MEOX1: variants seen among roughly 807,000 people sequenced by gnomAD.
The protein encoded by MEOX1 is mesenchyme homeobox 1.
A neutral mutation model predicts 23.2 loss-of-function variants in MEOX1; 17 were observed. The observed-to-expected ratio is 0.73, with a 90% CI of 0.50 to 1.10. MEOX1 has a LOEUF of 1.10. MEOX1 is among the 50% of genes least tolerant of loss of function. The pLI is 0.00. For synonymous variants in MEOX1, 134 were observed against 135.1 expected (o/e 0.99, Z 0.06); for missense variants, 333 against 332.2 (o/e 1.00, Z -0.02).
In MEOX1 at chr17:43,661,805, G is replaced by A. The variant is rs546632338; in HGVS notation, c.-271C>T. On this transcript the variant is annotated 5_prime_UTR_variant, in exon 1 of 3. Transcript: ENST00000318579. ...TCCAATGCACCAGCCTACCTACTGG[G>A]ATCCCCTGTATGTGTATTTGTCGCC... 1 of 379,060 alleles carries A rather than the reference G, an allele frequency of 2.6e-6. No homozygotes were observed. The highest frequency in any genetic ancestry group is 2.1e-5 in the African/African-American group (1 of 48,182). The allele number at this position is 379,060 out of a possible 1,614,324, so 23.5% of individuals were successfully genotyped here. A position where few individuals can be genotyped will look rare whatever the true frequency, so the allele number is the denominator to read the frequency against.
At chr17:43,642,072 G>A (rs373117303) in intron 2 of MEOX1, 40 bp from the exon 3 acceptor site, 22 of 1,584,970 alleles carry the variant, frequency 1.4e-5, no homozygotes, top group African/African-American at 9.5e-5. Flanking sequence ...CTCCAGGGCC[G>A]GTGTGACCTC....
intron 1 of MEOX1, among the ~76,000 whole-genome samples, chr17:43,651,191 T>C (rs1040318622): frequency 6.6e-6 from 1 of 151,932 alleles, no homozygotes; most frequent in Admixed American, 6.6e-5. Flanking sequence ...TGGTGGCGGG[T>C]GCCTGTAGTC....
At position 43,657,012 on chromosome 17, in the gene MEOX1, CTCTTTCTTTCTT is replaced by C. The variant is rs3034954; in HGVS notation, c.469+4042_469+4053del. ...TTTCTTTCTTTTTCTTTCTTTCTTT[CTCTTTCTTTCTT>C]TCTTTCTTTCTTTCTTTCTTTCTTT... On this transcript the variant is annotated intron_variant, in intron 1 of 2. Coordinates refer to ENST00000318579, the MANE Select transcript of MEOX1 (RefSeq NM_004527.4). Among the ~76,000 whole-genome samples the C allele has an allele frequency of 4.2e-3, 444 of 105,140 alleles. 1 individual carries two copies. The highest frequency in any genetic ancestry group is 5.9e-3 in the East Asian group (22 of 3,732). 69.0% of individuals were successfully genotyped at this position (105,140 alleles called of 152,430 possible).
intron 1 of MEOX1, among the ~76,000 whole-genome samples, chr17:43,657,371 G>C (rs1269286768): frequency 6.9e-6 from 1 of 144,410 alleles, no homozygotes; most frequent in African/African-American, 2.6e-5. Flanking sequence ...ATTTTTAGTA[G>C]AGATAGGGTT....
intron 1 of MEOX1, among the ~76,000 whole-genome samples, chr17:43,658,837 G>C (rs1187383910): frequency 6.6e-6 from 1 of 152,212 alleles, no homozygotes; most frequent in East Asian, 1.9e-4. Flanking sequence ...TGAACAGTGA[G>C]TTTGTCTGGA....
chr17:43,655,359 T>C (rs906860625), intron 1 of MEOX1, among the ~76,000 whole-genome samples: 2 of 150,896 alleles, frequency 1.3e-5, no homozygotes, highest in Non-Finnish European at 2.9e-5. Flanking sequence ...TAGTCCCAGC[T>C]ACTTGGGAGG....
Position 43,640,546 on chromosome 17 carries a change from C to G in MEOX1, c.*1364G>C, listed in dbSNP as rs1198826399. 1.3e-5 allele frequency: 2 copies of G among 152,160 alleles called. No individual in the cohort carries two copies. Among genetic ancestry groups the G allele is most frequent in the Non-Finnish European group, 2.9e-5 (2 of 68,036 alleles). 9.4% of individuals were successfully genotyped at this position (152,160 alleles called of 1,614,324 possible). A position where few individuals can be genotyped will look rare whatever the true frequency, so the allele number is the denominator to read the frequency against. ...CTCATTTGGCAATCATTTTCCACAGCTCTTGCCCTTTTTGGGGTGGGGAGG... is the reference window on the plus strand; with the variant it reads ...CTCATTTGGCAATCATTTTCCACAGGTCTTGCCCTTTTTGGGGTGGGGAGG... On this transcript the variant is annotated 3_prime_UTR_variant, in exon 3 of 3. Coordinates refer to ENST00000318579, the MANE Select transcript of MEOX1 (RefSeq NM_004527.4).
chr17:43,651,410 G>A (rs1369640302), intron 1 of MEOX1, among the ~76,000 whole-genome samples: 1 of 152,162 alleles, frequency 6.6e-6, no homozygotes, highest in Non-Finnish European at 1.5e-5. Flanking sequence ...AAGAGGGGAT[G>A]GGGAGAGGCA....
intron 2 of MEOX1, among the ~76,000 whole-genome samples, chr17:43,642,235 C>G (rs1972710681): frequency 6.6e-6 from 1 of 152,122 alleles, no homozygotes; most frequent in South Asian, 2.1e-4. Context: ...CTTGTGGCTT[C>G]GGATAAAGCC....
intron 1 of MEOX1, among the ~76,000 whole-genome samples, chr17:43,645,908 G>A (rs1036260287): frequency 2.0e-5 from 3 of 152,232 alleles, no homozygotes; most frequent in African/African-American, 4.8e-5. Context: ...AGCAGGAGGC[G>A]CACGGTAAAG....
chr17:43,652,517 T>A, intron 1 of MEOX1, among the ~76,000 whole-genome samples: 1 of 152,250 alleles, frequency 6.6e-6, no homozygotes, highest in African/African-American at 2.4e-5. Context: ...TATCATTTAG[T>A]CTCACAGCTA....
intron 2 of MEOX1, among the ~76,000 whole-genome samples, chr17:43,642,922 T>C (rs772139701): frequency 1.3e-5 from 2 of 152,204 alleles, no homozygotes; most frequent in East Asian, 1.9e-4. Flanking sequence ...GAGAATCACC[T>C]AGGGGGCCTT....
intron 1 of MEOX1, among the ~76,000 whole-genome samples, chr17:43,659,546 C>G (rs1418044605): frequency 6.6e-6 from 1 of 152,122 alleles, no homozygotes; most frequent in African/African-American, 2.4e-5. Context: ...GAGCTCACTT[C>G]TAGGGTGACC....
At chr17:43,657,012 C>CTCTTTCTTTCTTTCTTTCTTTCTTTCTT (rs3034954) in intron 1 of MEOX1, among the ~76,000 whole-genome samples, 29 of 105,140 alleles carry the variant, frequency 2.8e-4, no homozygotes, top group Admixed American at 6.3e-4. Context: ...TTCTTTCTTT[C>CTCTTTCTTTCTTTCTTTCTTTCTTTCTT]TCTTTCTTTC....
chr17:43,656,982 T>TTTTCTTTCCTTCTTTTTC (rs1555567787), intron 1 of MEOX1, among the ~76,000 whole-genome samples: 8 of 144,974 alleles, frequency 5.5e-5, no homozygotes, highest in African/African-American at 2.2e-4. Context: ...CGTTTGTTCA[T>TTTTCTTTCCTTCTTTTTC]TTTCTTTCTT....
intron 1 of MEOX1, among the ~76,000 whole-genome samples, chr17:43,658,453 A>G (rs1973079978): frequency 1.3e-5 from 2 of 149,810 alleles, no homozygotes. Flanking sequence ...GTTGCAGTGA[A>G]TTGAAACTAT....
chr17:43,644,045 C>T (rs989371578), intron 1 of MEOX1, among the ~76,000 whole-genome samples: 1 of 152,054 alleles, frequency 6.6e-6, no homozygotes, highest in Non-Finnish European at 1.5e-5. Flanking sequence ...AACTATGGTC[C>T]CCAGATCAGC....
At chr17:43,643,748 T>G in intron 1 of MEOX1, 88 bp from the exon 2 acceptor site, 1 of 997,980 alleles carries the variant, frequency 1.0e-6, no homozygotes, top group South Asian at 1.8e-5. Flanking sequence ...AGGCAGTCTT[T>G]ACCAGTCTCC....
intron 1 of MEOX1, among the ~76,000 whole-genome samples, chr17:43,645,334 G>A (rs946436392): frequency 1.2e-4 from 18 of 151,734 alleles, no homozygotes; most frequent in Admixed American, 1.1e-3. Context: ...CCGCCACCAC[G>A]CCCGGCAAAT....
Sources: allele counts gnomAD v4.1 joint callset (sites outside exome capture counted in the v4.1 genomes callset), GRCh38; gene constraint gnomAD v4.1.1; transcripts MANE v1.5; gene names NCBI Gene and HGNC (gene_info 2026-07-23, HGNC 2026-07-21).